Variants in ASTN2 observed in about 807,000 individuals in gnomAD.
ASTN2 encodes astrotactin-2.
ASTN2 carries 54 observed loss-of-function variants against 139.8 expected under a neutral mutation model. The observed-to-expected ratio is 0.39, with a 90% CI of 0.31 to 0.48. ASTN2 has a LOEUF of 0.48. Ranked by LOEUF, ASTN2 falls within the 20% of genes least tolerant of loss-of-function variation. The pLI, the probability that ASTN2 is intolerant of heterozygous loss-of-function variation, is 0.95. For synonymous variants in ASTN2, 756 were observed against 719.5 expected (o/e 1.05, Z -0.81); for missense variants, 1,565 against 1,725.1 (o/e 0.91, Z 1.64).
intron 14 of ASTN2, among the ~76,000 whole-genome samples, chr9:116,731,060 TA>T (rs1404070274): frequency 6.6e-6 from 1 of 151,938 alleles, no homozygotes; most frequent in Non-Finnish European, 1.5e-5. Flanking sequence ...TTCCTAACCA[TA>T]AACTCATCCC....
chr9:117,289,709 C>T (rs1361073647), intron 2 of ASTN2, among the ~76,000 whole-genome samples: 2 of 152,168 alleles, frequency 1.3e-5, no homozygotes, highest in East Asian at 3.9e-4. Context: ...CAGCAAGTGC[C>T]CTGAGATGGT....
intron 13 of ASTN2, among the ~76,000 whole-genome samples, chr9:116,790,960 AAAGAAGG>A (rs1471978452): frequency 8.2e-4 from 105 of 128,492 alleles, no homozygotes; most frequent in African/African-American, 2.4e-3. Flanking sequence ...GAAAGAAAAG[AAAGAAGG>A]AAAGAAAGAA....
At chr9:116,805,865 G>A in intron 12 of ASTN2, 45 bp from the exon 13 acceptor site, 1 of 1,587,688 alleles carries the variant, frequency 6.3e-7, no homozygotes, top group Non-Finnish European at 8.6e-7. Flanking sequence ...CATCCTGAAT[G>A]CCCCCATTGG....
At chr9:116,871,864 T>C (rs2132354000) in intron 10 of ASTN2, among the ~76,000 whole-genome samples, 1 of 152,246 alleles carries the variant, frequency 6.6e-6, no homozygotes, top group Non-Finnish European at 1.5e-5. Flanking sequence ...CAGCCCCTAA[T>C]AGCATGAGCC....
At chr9:116,725,231 G>A (rs997557956) in intron 16 of ASTN2, among the ~76,000 whole-genome samples, 5 of 152,270 alleles carry the variant, frequency 3.3e-5, no homozygotes, top group East Asian at 3.9e-4. Context: ...TCTGATAATA[G>A]CTGAGAGTCA....
At chr9:117,197,122 G>A (rs998832329) in intron 3 of ASTN2, 2 of 152,214 alleles carry the variant, frequency 1.3e-5, no homozygotes, top group Non-Finnish European at 2.9e-5. Flanking sequence ...ATGGTCGGAT[G>A]TGAGGGCAAT....
chr9:116,423,329 G>A lies in ASTN2; in HGVS notation c.*2522C>T, dbSNP rs566951162. ...AACCCCTTGAGGTGGGACCAGCATTGACTCCACTTTGTTGATGAGAAACCT... is the reference window on the plus strand; with the variant it reads ...AACCCCTTGAGGTGGGACCAGCATTAACTCCACTTTGTTGATGAGAAACCT... On this transcript the variant is annotated 3_prime_UTR_variant, in exon 23 of 23. Coordinates refer to ENST00000313400, the MANE Select transcript of ASTN2 (RefSeq NM_001365068.1). 2.6e-5 allele frequency among the ~76,000 whole-genome samples: 4 copies of A among 152,320 alleles called. No homozygotes were observed. In the East Asian group the frequency reaches 7.7e-4, roughly 29 times the overall value.
chr9:116,701,155 A>G (rs907527481), intron 16 of ASTN2: 4 of 167,128 alleles, frequency 2.4e-5, no homozygotes, highest in African/African-American at 9.6e-5. Flanking sequence ...GGCAAGCCAA[A>G]GAGCAACTGC....
chr9:116,573,093 C>T (rs1199040654), intron 19 of ASTN2, among the ~76,000 whole-genome samples: 3 of 152,020 alleles, frequency 2.0e-5, no homozygotes, highest in Admixed American at 6.6e-5. Context: ...TGGCTAATAT[C>T]GTGGGGTTTG....
chr9:117,034,125 C>T (rs927798557), intron 6 of ASTN2, among the ~76,000 whole-genome samples: 1 of 152,140 alleles, frequency 6.6e-6, no homozygotes, highest in South Asian at 2.1e-4. Context: ...TGTTACCTGC[C>T]TACACTGGAG....
intron 22 of ASTN2, among the ~76,000 whole-genome samples, chr9:116,433,864 T>C (rs577206898): frequency 6.6e-6 from 1 of 152,334 alleles, no homozygotes; most frequent in Admixed American, 6.5e-5. Flanking sequence ...CGCATTTGCT[T>C]TCTCTTTTCA....
intron 10 of ASTN2, among the ~76,000 whole-genome samples, chr9:116,924,338 G>T (rs2132440947): frequency 6.7e-6 from 1 of 150,076 alleles, no homozygotes; most frequent in East Asian, 2.0e-4. Flanking sequence ...GCTGAGGCAG[G>T]AGACTTGCTT....
At position 116,953,659 on chromosome 9, in the gene ASTN2, A is replaced by G. The variant is rs536859096; in HGVS notation, c.1889+21549T>C. Among the ~76,000 whole-genome samples, 126 of 152,318 alleles carry G rather than the reference A, an allele frequency of 8.3e-4. 2 individuals are homozygous for G. Among genetic ancestry groups the G allele is most frequent in the East Asian group, 1.9e-4 (1 of 5,190 alleles). The stretch of plus-strand genomic sequence containing the variant: ...GATTTTTTGTTTTTTTAACAACAAC[A>G]AAAAAGATGGGTTCCCTGTATTGAG... On this transcript the variant is annotated intron_variant, in intron 10 of 22. Transcript: ENST00000313400.
At chr9:117,052,539 A>G (rs1838945155) in intron 5 of ASTN2, among the ~76,000 whole-genome samples, 1 of 152,194 alleles carries the variant, frequency 6.6e-6, no homozygotes, top group Non-Finnish European at 1.5e-5. Flanking sequence ...ATCATCATCA[A>G]CAAATTTAAG....
Position 116,788,271 on chromosome 9 carries a change from G to C in ASTN2, c.2396+17361C>G, listed in dbSNP as rs140179959. Among the ~76,000 whole-genome samples, 811 of 152,216 alleles carry C rather than the reference G, an allele frequency of 5.3e-3. 10 individuals are homozygous for C. Among genetic ancestry groups the C allele is most frequent in the African/African-American group, 0.018 (767 of 41,516 alleles). On this transcript the variant is annotated intron_variant, in intron 13 of 22. Transcript: ENST00000313400. ...AAGTTTTAGTCCATTGCTCAGTGTGGTGACCATCGTTAATAATGGATTATA... is the reference window on the plus strand; with the variant it reads ...AAGTTTTAGTCCATTGCTCAGTGTGCTGACCATCGTTAATAATGGATTATA...
intron 4 of ASTN2, among the ~76,000 whole-genome samples, chr9:117,120,226 C>T (rs889193026): frequency 2.6e-5 from 4 of 151,706 alleles, no homozygotes; most frequent in Non-Finnish European, 5.9e-5. Context: ...CACCTTCCCA[C>T]ACGTGTTCTG....
intron 20 of ASTN2, among the ~76,000 whole-genome samples, chr9:116,478,249 GGGAGGGAA>G (rs1849055269): frequency 7.9e-6 from 1 of 126,336 alleles, no homozygotes; most frequent in Admixed American, 8.0e-5. Flanking sequence ...GAGGGAGGGA[GGGAGGGAA>G]GGAAGGAAGG....
At chr9:116,989,514 T>TGTA (rs1836783985) in intron 7 of ASTN2, among the ~76,000 whole-genome samples, 38 of 152,162 alleles carry the variant, frequency 2.5e-4, no homozygotes, top group Admixed American at 2.5e-3. Context: ...TTATACCATT[T>TGTA]TACGTAATGT....
At position 116,719,692 on chromosome 9, in the gene ASTN2, T is replaced by C. The variant is rs1271928302; in HGVS notation, c.2806+6079A>G. ...GAGATCATGACCATAGAAACAAGTC[T>C]AGAAAGAGGGGTCCATAAGACAGGC... On this transcript the variant is annotated intron_variant, in intron 16 of 22. Transcript: ENST00000313400. Among the ~76,000 whole-genome samples, 6 of 152,056 alleles carry C rather than the reference T, an allele frequency of 3.9e-5. No homozygotes were observed. In the South Asian group the frequency reaches 6.2e-4, roughly 16 times the overall value.
Sources: allele counts gnomAD v4.1 joint callset (sites outside exome capture counted in the v4.1 genomes callset), GRCh38; gene constraint gnomAD v4.1.1; transcripts MANE v1.5; gene names NCBI Gene and HGNC (gene_info 2026-07-23, HGNC 2026-07-21).